Variants in EPHX2 observed in about 807,000 individuals in gnomAD.
EPHX2 encodes the protein epoxide hydrolase 2, also known as bifunctional epoxide hydrolase 2.
In EPHX2, 74 loss-of-function variants were observed where a neutral mutation model predicts 78.7. That is an observed-to-expected ratio of 0.94 (90% CI 0.78 to 1.14). The LOEUF is 1.14. Among genes scored for constraint, EPHX2 ranks in the 50% most tolerant of loss-of-function variants. EPHX2 has a pLI of 0.00. For synonymous variants in EPHX2, 251 were observed against 255.2 expected, an observed-to-expected ratio of 0.98 and a Z score of 0.16; for missense variants, 715 against 702.5, an observed-to-expected ratio of 1.02 and a Z score of -0.20.
Position 27,519,885 on chromosome 8 carries a change from C to A in EPHX2, c.946-998C>A, listed in dbSNP as rs148436873. Among the ~76,000 whole-genome samples, 236 of 152,314 alleles carry A rather than the reference C, an allele frequency of 1.5e-3. 2 individuals are homozygous for A. The highest frequency in any genetic ancestry group is 5.3e-3 in the African/African-American group (221 of 41,578). ...ACAGGTCTGGCCTAGGTCTGGCCAA[C>A]AAAGGCACAGTTGTTTCTCTGAGGC... On this transcript the variant is annotated intron_variant, in intron 9 of 18. Coordinates refer to ENST00000521400, the MANE Select transcript of EPHX2 (RefSeq NM_001979.6).
chr8:27,522,688 G>A (rs1025909645), intron 11 of EPHX2, among the ~76,000 whole-genome samples, 180 bp downstream of exon 11: 2 of 152,176 alleles, frequency 1.3e-5, no homozygotes, highest in Admixed American at 1.3e-4. Flanking sequence ...GCCGGGCGTG[G>A]TGGCTCATGC....
chr8:27,491,408 G>T, intron 1 of EPHX2, 99 bp downstream of exon 1: 1 of 894,014 alleles, frequency 1.1e-6, no homozygotes, highest in Non-Finnish European at 1.6e-6. Flanking sequence ...CTGTGCCGGA[G>T]CCCTGCGAAT....
In EPHX2 at chr8:27,503,873, G is replaced by C. The variant is rs747123450; in HGVS notation, c.346+110G>C. On this transcript the variant is annotated intron_variant, in intron 3 of 18. Transcript: ENST00000521400. ...TGAGATCACAGATCTTCTGAGCCACGATGGAAAGCCTCTTTAAACATGGCC... is the reference window on the plus strand; with the variant it reads ...TGAGATCACAGATCTTCTGAGCCACCATGGAAAGCCTCTTTAAACATGGCC... 1.6e-5 allele frequency: 21 copies of C among 1,345,422 alleles called. 1 individual carries two copies. In the South Asian group the frequency reaches 3.1e-4, roughly 20 times the overall value. 83.3% of individuals were successfully genotyped at this position (1,345,422 alleles called of 1,614,324 possible). A position where few individuals can be genotyped will look rare whatever the true frequency, so the allele number is the denominator to read the frequency against.
chr8:27,508,658 A>G (rs749439472), intron 5 of EPHX2, among the ~76,000 whole-genome samples: 7 of 152,240 alleles, frequency 4.6e-5, no homozygotes, highest in Non-Finnish European at 7.3e-5. Context: ...TCTCAGGGGT[A>G]GGAGGAAGAG....
At chr8:27,493,000 A>T (rs1310459252) in intron 1 of EPHX2, 1 of 154,260 alleles carries the variant, frequency 6.5e-6, no homozygotes, top group African/African-American at 2.4e-5. Context: ...CCAGAGGGGA[A>T]CTCTCTAGGC....
intron 1 of EPHX2, among the ~76,000 whole-genome samples, chr8:27,499,299 G>T (rs62504271): frequency 3.3e-5 from 5 of 152,014 alleles, no homozygotes; most frequent in Admixed American, 6.5e-5. Flanking sequence ...GGAGACAAAC[G>T]TTCAAACCAT....
Position 27,522,499 on chromosome 8 carries a change from AG to A in EPHX2, c.1050del (p.Arg351GlufsTer2). ...LVWYMALFYP[E>X]RVRAVASLNT... Reference sequence around the variant, plus strand: ...TGGTACATGGCTCTCTTCTACCCCGAGAGAGTGAGGTAATTGGGCCTCGGGC... The same window carrying A: ...TGGTACATGGCTCTCTTCTACCCCGAAGAGTGAGGTAATTGGGCCTCGGGC... On this transcript the variant is annotated frameshift_variant, in exon 11 of 19. Transcript: ENST00000521400. LOFTEE classifies it high-confidence loss of function. The A allele has an allele frequency of 6.2e-7, 1 of 1,613,870 alleles. No individual in the cohort carries two copies. Among genetic ancestry groups the A allele is most frequent in the Admixed American group, 1.7e-5 (1 of 60,008 alleles).
Position 27,544,964 on chromosome 8 carries a change from G to A in EPHX2, c.*442G>A, listed in dbSNP as rs962416105. 10 of 196,486 alleles carry A rather than the reference G, an allele frequency of 5.1e-5. No homozygotes were observed. Among genetic ancestry groups the A allele is most frequent in the South Asian group, 9.9e-5 (1 of 10,054 alleles). The allele number at this position is 196,486 out of a possible 1,614,324, so 12.2% of individuals were successfully genotyped here. A position where few individuals can be genotyped will look rare whatever the true frequency, so the allele number is the denominator to read the frequency against. On this transcript the variant is annotated 3_prime_UTR_variant, in exon 19 of 19. Transcript: ENST00000521400. ...TTGGAGAGGTGGAGTGACTGTTCACGGAGAATGCACGGCATGGGGATGAAC... is the reference window on the plus strand; with the variant it reads ...TTGGAGAGGTGGAGTGACTGTTCACAGAGAATGCACGGCATGGGGATGAAC...
intron 18 of EPHX2, 72 bp downstream of exon 18, chr8:27,544,316 G>A: frequency 6.2e-7 from 1 of 1,603,472 alleles, no homozygotes; most frequent in Non-Finnish European, 8.5e-7. Context: ...AAGCTTTCCT[G>A]GTTTCATTGT....
chr8:27,517,196 TTTG>T (rs907965970), intron 8 of EPHX2, among the ~76,000 whole-genome samples: 12 of 152,338 alleles, frequency 7.9e-5, no homozygotes, highest in Middle Eastern at 3.4e-3. Context: ...TTTCTCTATT[TTTG>T]TTGTTCTTTT....
intron 14 of EPHX2, 51 bp downstream of exon 14, chr8:27,538,743 G>C: frequency 6.3e-7 from 1 of 1,591,110 alleles, no homozygotes; most frequent in Non-Finnish European, 8.6e-7. Context: ...GAATGTTAAA[G>C]GGATGTTTCT....
At position 27,506,896 on chromosome 8, in the gene EPHX2, G is replaced by T. The variant is rs1220121313; in HGVS notation, c.562G>T (p.Ala188Ser). 5 of 1,614,134 alleles carry T rather than the reference G, an allele frequency of 3.1e-6. No individual in the cohort carries two copies. The Admixed American group carries it at 8.3e-5, about 27-fold the overall frequency. ...SEVVFLDDIGANLKPARDLGM... is the reference protein window; with the variant it reads ...SEVVFLDDIGSNLKPARDLGM... ...GGTCGTTTTTTTGGATGACATCGGG[G>T]CTAATCTGAAGCCAGCCCGTGACTT... is the stretch of plus-strand genomic sequence containing the variant. Residue 188 changes from alanine to serine, a missense_variant, in exon 5 of 19, where the codon GCT (alanine) becomes TCT (serine). By Grantham distance (99) the Ala-to-Ser change is moderately conservative (BLOSUM62 1). Transcript: ENST00000521400.
rs538068951 is a variant in EPHX2, at chr8:27,512,556, C to T, written c.735+646C>T. ...AGGCCACACACAGAGGGCCCTGGCT[C>T]GTGGCCTGGCTGAGACATCTAACTT... On this transcript the variant is annotated intron_variant, in intron 6 of 18. Transcript: ENST00000521400. Among the ~76,000 whole-genome samples, 5 of 152,338 alleles carry T rather than the reference C, an allele frequency of 3.3e-5. No individual in the cohort carries two copies. In the South Asian group the frequency reaches 8.3e-4, roughly 25 times the overall value.
chr8:27,511,052 G>A (rs1222347631), intron 5 of EPHX2, among the ~76,000 whole-genome samples: 2 of 152,204 alleles, frequency 1.3e-5, no homozygotes, highest in Admixed American at 6.5e-5. Flanking sequence ...ATGGCCATCT[G>A]CAAGCCAGGG....
chr8:27,505,518 T>G (rs1279668085), intron 4 of EPHX2, among the ~76,000 whole-genome samples: 2 of 152,210 alleles, frequency 1.3e-5, no homozygotes, highest in East Asian at 3.9e-4. Context: ...CAGGCTCCGG[T>G]ATTGCCATGC....
intron 11 of EPHX2, among the ~76,000 whole-genome samples, 199 bp downstream of exon 11, chr8:27,522,707 C>T (rs1814691808): frequency 6.6e-6 from 1 of 152,064 alleles, no homozygotes; most frequent in Admixed American, 6.5e-5. Context: ...GCCTGTAATC[C>T]CAGCATTTTT....
intron 15 of EPHX2, 47 bp from the exon 16 acceptor site, chr8:27,541,426 C>A: frequency 6.3e-7 from 1 of 1,590,548 alleles, no homozygotes; most frequent in East Asian, 2.2e-5. Flanking sequence ...TGTAGCAGAG[C>A]CGTCTACTTA....
intron 16 of EPHX2, among the ~76,000 whole-genome samples, chr8:27,543,071 T>G (rs1815461148): frequency 7.5e-6 from 1 of 133,938 alleles, no homozygotes; most frequent in East Asian, 2.3e-4. Context: ...ACAAACCTCA[T>G]AGAAGCCTCA....
chr8:27,519,994 C>CTCTTT (rs1205046626), intron 9 of EPHX2, among the ~76,000 whole-genome samples: 2 of 151,088 alleles, frequency 1.3e-5, no homozygotes, highest in Non-Finnish European at 2.9e-5. Flanking sequence ...TAATCTCCTC[C>CTCTTT]TCTTTTCTTT....
Sources: gnomAD v4.1 joint callset for allele counts (sites outside exome capture counted in the v4.1 genomes callset) on GRCh38, gnomAD v4.1.1 for gene constraint, MANE v1.5 for transcripts, NCBI Gene and HGNC (gene_info 2026-07-23, HGNC 2026-07-21) for gene names.